Variants in CRHR1 observed in about 807,000 individuals in gnomAD.
The protein encoded by CRHR1 is corticotropin releasing hormone receptor 1, also known as corticotropin-releasing hormone receptor 1.
Under a neutral mutation model 56.0 loss-of-function variants are expected in CRHR1, and 28 were observed. That is an observed-to-expected ratio of 0.50 (90% confidence interval 0.37 to 0.69). CRHR1 has a LOEUF of 0.69. CRHR1 is among the 30% of genes least tolerant of loss of function. CRHR1 has a pLI of 0.00. For synonymous variants in CRHR1, 195 were observed against 216.5 expected (o/e 0.90, Z 0.87); for missense variants, 376 against 548.0 (o/e 0.69, Z 3.13).
intron 2 of CRHR1, among the ~76,000 whole-genome samples, chr17:45,813,775 C>T (rs2061871853): frequency 6.6e-6 from 1 of 152,272 alleles, no homozygotes; most frequent in East Asian, 1.9e-4. Context: ...GTTTTCTTAT[C>T]TGTAAAACAA....
At chr17:45,800,606 T>A (rs1185075871) in intron 1 of CRHR1, 2 of 152,212 alleles carry the variant, frequency 1.3e-5, no homozygotes, top group African/African-American at 4.8e-5. Flanking sequence ...GGATGTTGAG[T>A]CTCAGAGGAG....
intron 4 of CRHR1, among the ~76,000 whole-genome samples, chr17:45,823,104 A>G (rs2062079770): frequency 6.6e-6 from 1 of 150,978 alleles, no homozygotes; most frequent in African/African-American, 2.4e-5. Context: ...AGATCGCGCC[A>G]CAGCACTCCA....
At chr17:45,802,501 G>GA (rs1467019655) in intron 1 of CRHR1, among the ~76,000 whole-genome samples, 2 of 152,136 alleles carry the variant, frequency 1.3e-5, no homozygotes, top group African/African-American at 4.8e-5. Context: ...ATGGTGGGAG[G>GA]AAAAATGCAG....
intron 8 of CRHR1, 45 bp downstream of exon 8, chr17:45,830,985 C>T (rs773336937): frequency 6.3e-7 from 1 of 1,593,602 alleles, no homozygotes; most frequent in Admixed American, 1.7e-5. Flanking sequence ...TTTAGGCTCC[C>T]AGCCCAGCTT....
intron 1 of CRHR1, among the ~76,000 whole-genome samples, chr17:45,803,775 T>TGTGCGC (rs71138510): frequency 0.14 from 21,255 of 150,318 alleles, 2,041 homozygotes; most frequent in Non-Finnish European, 0.22. Flanking sequence ...TGTGTGTGTG[T>TGTGCGC]GCGTGCGCGT....
At chr17:45,793,444 G>A (rs1022126758) in intron 1 of CRHR1, among the ~76,000 whole-genome samples, 3 of 152,192 alleles carry the variant, frequency 2.0e-5, no homozygotes, top group Non-Finnish European at 4.4e-5. Context: ...GGCGGCCTAG[G>A]TGGCATCCTG....
At chr17:45,802,008 T>G (rs191085414) in intron 1 of CRHR1, among the ~76,000 whole-genome samples, 145 of 136,964 alleles carry the variant, frequency 1.1e-3, no homozygotes, top group African/African-American at 3.4e-3. Context: ...ATTCTCCGTG[T>G]TTTTTTTTTT....
intron 1 of CRHR1, among the ~76,000 whole-genome samples, chr17:45,788,427 A>C (rs2061371894): frequency 6.6e-6 from 1 of 152,180 alleles, no homozygotes; most frequent in Non-Finnish European, 1.5e-5. Context: ...CTCACATAGA[A>C]AGAGGGGGGT....
chr17:45,816,620 G>A (rs751958030), intron 3 of CRHR1, 38 bp downstream of exon 3: 2 of 1,613,200 alleles, frequency 1.2e-6, no homozygotes, highest in African/African-American at 2.7e-5. Context: ...CTGCTGGGAG[G>A]TGGGACAGGA....
chr17:45,835,264 C>A lies in CRHR1; in HGVS notation c.*500C>A, dbSNP rs1251838970. On this transcript the variant is annotated 3_prime_UTR_variant, in exon 13 of 13. Coordinates refer to ENST00000314537, the MANE Select transcript of CRHR1 (RefSeq NM_004382.5). ...TTCCGACACCACTGGGAACCAAGGG[C>A]CCTCACTCAGGAACCCTGGAGACAG... 3 of 158,620 alleles carry A rather than the reference C, an allele frequency of 1.9e-5. No homozygotes were observed. Among genetic ancestry groups the A allele is most frequent in the Non-Finnish European group, 4.2e-5 (3 of 72,022 alleles). The allele number at this position is 158,620 out of a possible 1,614,324, so 9.8% of individuals were successfully genotyped here. A position where few individuals can be genotyped will look rare whatever the true frequency, so the allele number is the denominator to read the frequency against.
chr17:45,794,449 C>G (rs1368377212), intron 1 of CRHR1, among the ~76,000 whole-genome samples: 2 of 152,246 alleles, frequency 1.3e-5, no homozygotes, highest in Admixed American at 6.5e-5. Context: ...CTCTGGTTCA[C>G]CCTTCACACA....
At position 45,830,561 on chromosome 17, in the gene CRHR1, A is replaced by T; in HGVS notation, c.700A>T (p.Ile234Phe). Residue 234 changes from isoleucine (I) to phenylalanine (F), a missense_variant, in exon 7 of 13, where the codon ATT becomes TTT. By Grantham distance (21) the Ile-to-Phe change is conservative. Around this residue, in one of 2 missense-constraint regions of CRHR1, gnomAD observed 369 missense variants for 519.5 expected, o/e 0.71. Transcript: ENST00000314537. ...GCTGCGCAAATGGATGTTCATCTGC[A>T]TTGGCTGGGGTGAGCTGGGCAGCCA... Reference protein sequence around the residue: ...DRLRKWMFICIGWGVPFPIIV... With the variant: ...DRLRKWMFICFGWGVPFPIIV... 1 of 1,609,076 alleles carries T rather than the reference A, an allele frequency of 6.2e-7. No individual in the cohort carries two copies. Among genetic ancestry groups the T allele is most frequent in the East Asian group, 2.2e-5 (1 of 44,788 alleles).
chr17:45,804,908 G>A (rs182490994), intron 1 of CRHR1, among the ~76,000 whole-genome samples: 149 of 151,844 alleles, frequency 9.8e-4, no homozygotes, highest in Middle Eastern at 3.4e-3. Flanking sequence ...TCAACCTCCC[G>A]GGTTCATGCA....
chr17:45,803,023 A>C (rs2061652510), intron 1 of CRHR1, among the ~76,000 whole-genome samples: 1 of 152,028 alleles, frequency 6.6e-6, no homozygotes, highest in Non-Finnish European at 1.5e-5. Context: ...GTGCACTGGG[A>C]AAAGGGGTAC....
At chr17:45,802,771 G>A (rs1291633617) in intron 1 of CRHR1, among the ~76,000 whole-genome samples, 1 of 152,200 alleles carries the variant, frequency 6.6e-6, no homozygotes, top group African/African-American at 2.4e-5. Context: ...GGCAGCCAAG[G>A]GAAGACTAGC....
intron 5 of CRHR1, chr17:45,829,596 G>A: frequency 6.4e-7 from 1 of 1,550,924 alleles, no homozygotes; most frequent in Non-Finnish European, 8.7e-7. Context: ...CAGGCAGATG[G>A]AGCCCTGGAG....
In CRHR1 at chr17:45,784,725, C is replaced by CT; in HGVS notation, c.33+149dup. ...AAGGCTGGGCTCCGGGGCAGCCTAA[C>CT]TCTCTGGACCTTTGGAGCCAGGGTT... On this transcript the variant is annotated intron_variant, in intron 1 of 12. Transcript: ENST00000314537. The surrounding 1 kb of genome is among the most constrained non-coding windows in gnomAD (Gnocchi z 4.2). 1 of 799,958 alleles carries CT rather than the reference C, an allele frequency of 1.3e-6. No individual in the cohort carries two copies. The highest frequency in any genetic ancestry group is 1.8e-6 in the Non-Finnish European group (1 of 562,728). 49.6% of individuals were successfully genotyped at this position (799,958 alleles called of 1,614,324 possible).
At chr17:45,828,184 G>A (rs1392106122) in intron 4 of CRHR1, among the ~76,000 whole-genome samples, 5 of 152,214 alleles carry the variant, frequency 3.3e-5, no homozygotes, top group Non-Finnish European at 7.3e-5. Flanking sequence ...AAGTGTGGAT[G>A]GGGGCTGTGC....
At chr17:45,833,693 T>TGC in intron 10 of CRHR1, 21 bp from the exon 11 acceptor site, 2 of 1,571,614 alleles carry the variant, frequency 1.3e-6, no homozygotes, top group Non-Finnish European at 8.7e-7. Flanking sequence ...ACTCCGAGCC[T>TGC]CCCCACCCGC....
Sources: allele counts gnomAD v4.1 joint callset (sites outside exome capture counted in the v4.1 genomes callset), GRCh38; gene constraint gnomAD v4.1.1; regional missense constraint gnomAD v4.1.1; non-coding constraint Gnocchi (gnomAD v3.1); transcripts MANE v1.5; gene names NCBI Gene and HGNC (gene_info 2026-07-23, HGNC 2026-07-21).